SFMBT2: variants seen among roughly 807,000 people sequenced by gnomAD.
SFMBT2 encodes the protein scm-like with four MBT domains protein 2.
In SFMBT2, 38 loss-of-function variants were observed where a neutral mutation model predicts 110.1. The ratio of observed to expected loss-of-function variants is 0.35; its 90% confidence interval spans 0.27 to 0.45. SFMBT2 has a LOEUF of 0.45. SFMBT2 is among the 20% of genes least tolerant of loss of function. The pLI is 1.00. For synonymous variants in SFMBT2, 425 were observed against 425.4 expected, an observed-to-expected ratio of 1.00 and a Z score of 0.01; for missense variants, 1,011 against 1,094.9, an observed-to-expected ratio of 0.92 and a Z score of 1.08.
intron 4 of SFMBT2, among the ~76,000 whole-genome samples, chr10:7,361,576 T>C (rs1215564484): frequency 6.6e-6 from 1 of 152,234 alleles, no homozygotes; most frequent in Admixed American, 6.5e-5. Context: ...TGAATAAACA[T>C]TCCTTTATTC....
intron 4 of SFMBT2, among the ~76,000 whole-genome samples, chr10:7,365,053 G>A (rs562479468): frequency 2.0e-5 from 3 of 152,322 alleles, no homozygotes; most frequent in Admixed American, 2.0e-4. Context: ...ATCTCCCTCA[G>A]GACCTGTTTA....
rs1190286072 is a variant in SFMBT2 at position 7,214,464 on chromosome 10, GC to G, written c.1330+5946del. 11 of 717,176 alleles carry G rather than the reference GC, an allele frequency of 1.5e-5. No individual in the cohort carries two copies. The African/African-American group carries it at 2.1e-4, about 14-fold the overall frequency. The allele number at this position is 717,176 out of a possible 1,614,324, so 44.4% of individuals were successfully genotyped here. A position where few individuals can be genotyped will look rare whatever the true frequency, so the allele number is the denominator to read the frequency against. On this transcript the variant is annotated intron_variant, in intron 11 of 20. Transcript: ENST00000397167. The stretch of plus-strand genomic sequence containing the variant: ...AATGGGAAGATGCCACCGGACAATT[GC>G]AGAGTGACGCATTTCTTAAGATGGG...
At chr10:7,198,242 T>C in intron 14 of SFMBT2, 1 of 694,660 alleles carries the variant, frequency 1.4e-6, no homozygotes, top group Non-Finnish European at 1.8e-6. Flanking sequence ...AGAAAGTTCA[T>C]TCATTTTTTT....
rs906957041 is a variant in SFMBT2, at chr10:7,158,998, T to A, written c.*4772A>T. 3 of 152,226 alleles carry A rather than the reference T, an allele frequency of 2.0e-5. No individual in the cohort carries two copies. The highest frequency in any genetic ancestry group is 7.2e-5 in the African/African-American group (3 of 41,448). The allele number at this position is 152,226 out of a possible 1,614,324, so 9.4% of individuals were successfully genotyped here. A position where few individuals can be genotyped will look rare whatever the true frequency, so the allele number is the denominator to read the frequency against. On this transcript the variant is annotated 3_prime_UTR_variant, in exon 21 of 21. Transcript: ENST00000397167. ...CTGTTTCAAGCAAGTGAGATGATTATCTTTTTCTGTCATTTAAAAAAATTT... is the reference window on the plus strand; with the variant it reads ...CTGTTTCAAGCAAGTGAGATGATTAACTTTTTCTGTCATTTAAAAAAATTT...
chr10:7,334,174 G>A (rs193249143), intron 4 of SFMBT2, among the ~76,000 whole-genome samples: 33 of 152,244 alleles, frequency 2.2e-4, no homozygotes, highest in African/African-American at 7.0e-4. Flanking sequence ...AAAGGCAAGC[G>A]TCATCCACAG....
intron 1 of SFMBT2, among the ~76,000 whole-genome samples, chr10:7,398,167 G>C (rs961718898): frequency 6.6e-6 from 1 of 152,200 alleles, no homozygotes; most frequent in Non-Finnish European, 1.5e-5. Flanking sequence ...GGGGATAATA[G>C]GCACTCTAGG....
At chr10:7,385,085 G>C (rs1018011709) in intron 1 of SFMBT2, among the ~76,000 whole-genome samples, 2 of 152,176 alleles carry the variant, frequency 1.3e-5, no homozygotes, top group African/African-American at 2.4e-5. Context: ...TGGCATGCAG[G>C]GAGCGAGCAC....
chr10:7,406,072 CA>C (rs542486585), intron 1 of SFMBT2, among the ~76,000 whole-genome samples: 87 of 151,608 alleles, frequency 5.7e-4, no homozygotes, highest in African/African-American at 2.1e-3. Flanking sequence ...CATTTTGGTA[CA>C]AAAACCTTTA....
chr10:7,366,803 C>T (rs1844919978), intron 4 of SFMBT2, among the ~76,000 whole-genome samples: 1 of 152,220 alleles, frequency 6.6e-6, no homozygotes, highest in Non-Finnish European at 1.5e-5. Context: ...GCAGGCTGAG[C>T]CTGGTAATTA....
At chr10:7,268,482 C>T (rs570246881) in intron 7 of SFMBT2, among the ~76,000 whole-genome samples, 1 of 152,022 alleles carries the variant, frequency 6.6e-6, no homozygotes, top group South Asian at 2.1e-4. Context: ...CAAAATTGGT[C>T]AAAGTGACTA....
rs1265501848 is a variant in SFMBT2 at position 7,170,155 on chromosome 10, G to A, written c.2544+773C>T. ...GAAGGTGGAGAAAGGAGGGCAGACC[G>A]GCTAGGGGCCTGGGCCCCCAGCTGA... is the stretch of plus-strand genomic sequence containing the variant. On this transcript the variant is annotated intron_variant, in intron 20 of 20. Coordinates refer to ENST00000397167, the MANE Select transcript of SFMBT2 (RefSeq NM_001387889.1). This position sits in a 1 kb window ranked among gnomAD's most constrained non-coding sequence, Gnocchi z 4.6. 6.6e-6 allele frequency among the ~76,000 whole-genome samples: 1 copy of A among 152,134 alleles called. No homozygotes were observed. Among genetic ancestry groups the A allele is most frequent in the Non-Finnish European group, 1.5e-5 (1 of 68,034 alleles).
At chr10:7,385,467 A>G (rs1845567076) in intron 1 of SFMBT2, among the ~76,000 whole-genome samples, 1 of 152,234 alleles carries the variant, frequency 6.6e-6, no homozygotes, top group South Asian at 2.1e-4. Flanking sequence ...AAAGGTAGGA[A>G]CTGAAACACG....
chr10:7,213,646 G>A (rs748939659), intron 11 of SFMBT2, among the ~76,000 whole-genome samples: 1 of 152,248 alleles, frequency 6.6e-6, no homozygotes, highest in African/African-American at 2.4e-5. Flanking sequence ...GCCACGTGGA[G>A]ATGTTTTGCA....
chr10:7,388,831 G>A (rs954993321), intron 1 of SFMBT2, among the ~76,000 whole-genome samples: 2 of 152,194 alleles, frequency 1.3e-5, no homozygotes, highest in African/African-American at 4.8e-5. Context: ...TCACTCTGCA[G>A]ATGGAGTGGA....
At chr10:7,397,424 A>G (rs1009670704) in intron 1 of SFMBT2, among the ~76,000 whole-genome samples, 1 of 152,026 alleles carries the variant, frequency 6.6e-6, no homozygotes, top group African/African-American at 2.4e-5. Flanking sequence ...CAATCAAAAT[A>G]AAATATGAAG....
At chr10:7,221,450 C>T (rs913815326) in intron 10 of SFMBT2, among the ~76,000 whole-genome samples, 7 of 151,808 alleles carry the variant, frequency 4.6e-5, no homozygotes, top group South Asian at 4.2e-4. Flanking sequence ...CCCGTAATCC[C>T]GGCTACTCGG....
At chr10:7,192,037 G>A (rs1838616906) in intron 15 of SFMBT2, among the ~76,000 whole-genome samples, 1 of 151,560 alleles carries the variant, frequency 6.6e-6, no homozygotes, top group Non-Finnish European at 1.5e-5. Flanking sequence ...ATAAAGAAAA[G>A]CCTGACATGC....
intron 10 of SFMBT2, among the ~76,000 whole-genome samples, chr10:7,225,936 C>A (rs935489412): frequency 6.6e-6 from 1 of 152,136 alleles, no homozygotes; most frequent in African/African-American, 2.4e-5. Context: ...GACATCAATA[C>A]GGTGAGAAGT....
intron 1 of SFMBT2, among the ~76,000 whole-genome samples, chr10:7,387,883 G>A (rs1845657148): frequency 6.6e-6 from 1 of 151,614 alleles, no homozygotes; most frequent in Admixed American, 6.6e-5. Flanking sequence ...GGGAGGCAGA[G>A]GTTGCAGTGA....
Sources: gnomAD v4.1 joint callset for allele counts (sites outside exome capture counted in the v4.1 genomes callset) on GRCh38, gnomAD v4.1.1 for gene constraint, Gnocchi (gnomAD v3.1) non-coding constraint, MANE v1.5 for transcripts, NCBI Gene and HGNC (gene_info 2026-07-23, HGNC 2026-07-21) for gene names.